ZNF536: variants seen among roughly 807,000 people sequenced by gnomAD.
ZNF536 encodes zinc finger protein 536.
A neutral mutation model predicts 84.5 loss-of-function variants in ZNF536; 13 were observed. The ratio of observed to expected loss-of-function variants is 0.15; its 90% confidence interval spans 0.10 to 0.24. The LOEUF (loss-of-function observed/expected upper bound fraction) is 0.24, where lower values mean the gene tolerates loss of function less well. Ranked by LOEUF, ZNF536 falls within the 10% of genes least tolerant of loss-of-function variation. The pLI is 1.00. For missense variants in ZNF536, 1,536 were observed against 1,747.5 expected (o/e 0.88, Z 2.16); for synonymous variants, 811 against 742.5 (o/e 1.09, Z -1.50).
chr19:30,554,764 G>A (rs2045909280), intron 4 of ZNF536: 1 of 152,192 alleles, frequency 6.6e-6, no homozygotes, highest in Non-Finnish European at 1.5e-5. Context: ...GGTACTGACA[G>A]GCGATGCACT....
At chr19:30,579,956 G>A (rs144082645) in intron 1 of ZNF536, among the ~76,000 whole-genome samples, 27 of 152,298 alleles carry the variant, frequency 1.8e-4, no homozygotes, top group African/African-American at 6.5e-4. Flanking sequence ...TAAGAAAGCT[G>A]TCTTGAAAGA....
chr19:30,338,392 G>A (rs2047453852), intron 2 of ZNF536, among the ~76,000 whole-genome samples: 1 of 151,836 alleles, frequency 6.6e-6, no homozygotes, highest in South Asian at 2.1e-4. Context: ...GGTGATGATG[G>A]TGGTGATGAT....
At chr19:30,250,290 C>T (rs1236871614) in intron 1 of ZNF536, among the ~76,000 whole-genome samples, 1 of 152,194 alleles carries the variant, frequency 6.6e-6, no homozygotes, top group Non-Finnish European at 1.5e-5. Context: ...CTCCAAAGAC[C>T]CTAACCCTTT....
chr19:30,419,024 A>G (rs1225676978), intron 1 of ZNF536, among the ~76,000 whole-genome samples: 1 of 152,236 alleles, frequency 6.6e-6, no homozygotes, highest in African/African-American at 2.4e-5. Flanking sequence ...AAAATACACA[A>G]TAGCATTCAG....
At chr19:30,586,108 T>A (rs2047085628) in intron 1 of ZNF536, among the ~76,000 whole-genome samples, 1 of 152,230 alleles carries the variant, frequency 6.6e-6, no homozygotes, top group Non-Finnish European at 1.5e-5. Flanking sequence ...GCTATGTATA[T>A]TTGGGCAAGT....
At chr19:30,438,534 C>T (rs879788330) in intron 1 of ZNF536, among the ~76,000 whole-genome samples, 104 of 151,884 alleles carry the variant, frequency 6.8e-4, no homozygotes, top group Non-Finnish European at 1.2e-3. Flanking sequence ...TGGCAGGAGG[C>T]CCCTCCAGGG....
chr19:30,397,008 G>T (rs2049852003), intron 1 of ZNF536, among the ~76,000 whole-genome samples: 1 of 152,184 alleles, frequency 6.6e-6, no homozygotes, highest in Non-Finnish European at 1.5e-5. Context: ...AGAGCCCAGA[G>T]CTCCCAGTTG....
In ZNF536 at chr19:30,617,949, G is replaced by A. The variant is rs150311014; in HGVS notation, c.169+68435G>A. On this transcript the variant is annotated intron_variant, in intron 1 of 1. Coordinates refer to the ZNF536 transcript ENST00000592773. ...TGTGGTCTATTGCGTTTTATTCCAC[G>A]GACAACAAAAAGAGTGTTTGTTTTC... 2.6e-3 allele frequency among the ~76,000 whole-genome samples: 395 copies of A among 152,150 alleles called. 2 individuals carry two copies. Among genetic ancestry groups the A allele is most frequent in the Middle Eastern group, 0.017 (5 of 294 alleles).
At chr19:30,545,385 CTTTTT>C (rs772761287) in intron 3 of ZNF536, among the ~76,000 whole-genome samples, 18 of 67,666 alleles carry the variant, frequency 2.7e-4, no homozygotes, top group African/African-American at 8.4e-4. Context: ...TCCCATATGT[CTTTTT>C]TTTTTTTTTT....
intron 1 of ZNF536, among the ~76,000 whole-genome samples, chr19:30,280,281 T>C (rs565545103): frequency 6.6e-6 from 1 of 152,034 alleles, no homozygotes; most frequent in Admixed American, 6.5e-5. Context: ...CCCACTTCCA[T>C]TTTTGCATCC....
chr19:30,680,011 GGGGA>G (rs1371571121), intron 1 of ZNF536, among the ~76,000 whole-genome samples: 1 of 152,078 alleles, frequency 6.6e-6, no homozygotes, highest in East Asian at 1.9e-4. Flanking sequence ...ACCCAGGCCA[GGGGA>G]GGGAGGGAGG....
intron 1 of ZNF536, among the ~76,000 whole-genome samples, chr19:30,238,162 G>A (rs1412262357): frequency 6.6e-6 from 1 of 152,158 alleles, no homozygotes; most frequent in African/African-American, 2.4e-5. Context: ...ACATGTTGTT[G>A]AATATTTTAG....
rs551688383 is a variant in ZNF536, at chr19:30,671,679, G to A, written c.170-39078G>A. ...GCAGTCTGCAGTGACATGGGGATAT[G>A]TCTAACTAGTGTTTATAGCACCTGC... On this transcript the variant is annotated intron_variant, in intron 1 of 1. Transcript: ENST00000592773. 3.9e-5 allele frequency among the ~76,000 whole-genome samples: 6 copies of A among 152,240 alleles called. No individual in the cohort carries two copies. The South Asian group carries it at 1.2e-3, about 32-fold the overall frequency.
At chr19:30,319,257 A>G (rs561635580) in intron 2 of ZNF536, among the ~76,000 whole-genome samples, 33 of 152,372 alleles carry the variant, frequency 2.2e-4, no homozygotes, top group African/African-American at 7.9e-4. Flanking sequence ...TGATCGTGGC[A>G]GGAACATGCT....
chr19:30,428,326 C>A (rs2147939682), intron 1 of ZNF536, among the ~76,000 whole-genome samples: 1 of 152,260 alleles, frequency 6.6e-6, no homozygotes, highest in Non-Finnish European at 1.5e-5. Flanking sequence ...CAAGTACTTC[C>A]TAGCAGTGAC....
intron 1 of ZNF536, among the ~76,000 whole-genome samples, chr19:30,657,917 C>T (rs7259977): frequency 0.02 from 3,091 of 152,244 alleles, 104 homozygotes; most frequent in African/African-American, 0.071. Context: ...ATCTAACAGA[C>T]CTTACCCAAA....
chr19:30,479,929 G>A (rs773245750), intron 2 of ZNF536, among the ~76,000 whole-genome samples: 12 of 152,184 alleles, frequency 7.9e-5, no homozygotes, highest in Non-Finnish European at 1.3e-4. Context: ...TGCAGGTCTC[G>A]GTCCCCAGCC....
At chr19:30,301,421 C>A (rs2046180620) in intron 2 of ZNF536, among the ~76,000 whole-genome samples, 1 of 152,132 alleles carries the variant, frequency 6.6e-6, no homozygotes, top group Admixed American at 6.5e-5. Flanking sequence ...TGCCCTGGGT[C>A]CCTTCTGTTA....
intron 2 of ZNF536, among the ~76,000 whole-genome samples, chr19:30,474,887 A>C (rs766952819): frequency 2.1e-5 from 3 of 142,432 alleles, no homozygotes; most frequent in Non-Finnish European, 3.1e-5. Flanking sequence ...TTGTCCCCCA[A>C]TGGTCTCAGC....
Sources: gnomAD v4.1 joint callset for allele counts (sites outside exome capture counted in the v4.1 genomes callset) on GRCh38, gnomAD v4.1.1 for gene constraint, MANE v1.5 for transcripts, NCBI Gene and HGNC (gene_info 2026-07-23, HGNC 2026-07-21) for gene names.